TSPEAR: variants seen among roughly 807,000 people sequenced by gnomAD.
TSPEAR encodes the protein thrombospondin type laminin G domain and EAR repeats.
In TSPEAR, 69 loss-of-function variants were observed where a neutral mutation model predicts 71.6. That is an observed-to-expected ratio of 0.96 (90% CI 0.79 to 1.18). TSPEAR has a LOEUF of 1.18. TSPEAR is among the 50% of genes most tolerant of loss of function. The probability of loss-of-function intolerance (pLI) is 0.00; values close to 1 mark genes in which losing one functional copy is unlikely to be tolerated. For synonymous variants in TSPEAR, 402 were observed against 387.2 expected (o/e 1.04, Z -0.45); for missense variants, 971 against 894.9 (o/e 1.09, Z -1.09).
At chr21:44,667,207 G>A (rs1985831605) in intron 1 of TSPEAR, among the ~76,000 whole-genome samples, 1 of 152,140 alleles carries the variant, frequency 6.6e-6, no homozygotes, top group African/African-American at 2.4e-5. Context: ...ACTTTTGTGA[G>A]ATTCCAAAAA....
At chr21:44,554,043 T>C (rs587673687) in intron 2 of TSPEAR, among the ~76,000 whole-genome samples, 37 of 152,300 alleles carry the variant, frequency 2.4e-4, no homozygotes, top group Middle Eastern at 6.8e-3. Flanking sequence ...ATATGACAAA[T>C]GGCAAAGTGA....
intron 1 of TSPEAR, among the ~76,000 whole-genome samples, chr21:44,706,151 CCCA>C (rs1987902630): frequency 6.6e-6 from 1 of 152,328 alleles, no homozygotes; most frequent in African/African-American, 2.4e-5. Context: ...CTTCCCAGTG[CCCA>C]CCAACCGGCG....
chr21:44,630,383 A>C (rs1983186029), intron 1 of TSPEAR, among the ~76,000 whole-genome samples: 1 of 152,198 alleles, frequency 6.6e-6, no homozygotes, highest in Non-Finnish European at 1.5e-5. Context: ...TGAACCAGTC[A>C]CTGCCACCTG....
At chr21:44,671,329 C>T (rs1374943555) in intron 1 of TSPEAR, among the ~76,000 whole-genome samples, 21 of 152,266 alleles carry the variant, frequency 1.4e-4, no homozygotes, top group Admixed American at 1.3e-3. Context: ...AAGGACCCAT[C>T]CATGCATCCA....
intron 1 of TSPEAR, among the ~76,000 whole-genome samples, chr21:44,582,703 A>T (rs781941355): frequency 1.5e-4 from 23 of 152,280 alleles, no homozygotes; most frequent in Non-Finnish European, 3.1e-4. Context: ...CCCTGCGCTC[A>T]GTGGAGACGT....
chr21:44,622,712 T>C (rs587735994), intron 1 of TSPEAR, among the ~76,000 whole-genome samples: 10 of 152,390 alleles, frequency 6.6e-5, no homozygotes, highest in African/African-American at 1.9e-4. Context: ...AGGTTCACTA[T>C]AACCCGGTAT....
chr21:44,607,229 G>A (rs797042016), intron 1 of TSPEAR, among the ~76,000 whole-genome samples: 2 of 151,998 alleles, frequency 1.3e-5, no homozygotes, highest in East Asian at 1.9e-4. Context: ...ACAGGTGCGC[G>A]CCACTACACC....
At chr21:44,513,727 G>A (rs1183380794) in intron 9 of TSPEAR, among the ~76,000 whole-genome samples, 1 of 152,170 alleles carries the variant, frequency 6.6e-6, no homozygotes, top group Non-Finnish European at 1.5e-5. Context: ...GGCTTTGATA[G>A]GGCAAAGAAA....
intron 10 of TSPEAR, among the ~76,000 whole-genome samples, chr21:44,507,745 T>C (rs112994106): frequency 0.038 from 5,740 of 152,332 alleles, 346 homozygotes; most frequent in African/African-American, 0.13. Context: ...TTATTCTAAA[T>C]GTTGTTCTAA....
intron 2 of TSPEAR, chr21:44,558,324 C>T (rs782345193): frequency 1.5e-5 from 24 of 1,613,886 alleles, no homozygotes; most frequent in East Asian, 6.7e-5. Flanking sequence ...AGAGGAAGCC[C>T]CAGAGCAGAC....
chr21:44,620,927 T>C (rs144175600), intron 1 of TSPEAR, among the ~76,000 whole-genome samples: 165 of 152,378 alleles, frequency 1.1e-3, no homozygotes, highest in African/African-American at 3.8e-3. Flanking sequence ...AATTGGTTGT[T>C]TGAAAGTGTG....
At chr21:44,553,198 G>A (rs1257049524) in intron 2 of TSPEAR, among the ~76,000 whole-genome samples, 5 of 152,226 alleles carry the variant, frequency 3.3e-5, no homozygotes, top group Non-Finnish European at 5.9e-5. Context: ...TCTTGTCGAA[G>A]TTACTATGGA....
At chr21:44,685,341 T>C (rs568219247) in intron 1 of TSPEAR, among the ~76,000 whole-genome samples, 45 of 152,040 alleles carry the variant, frequency 3.0e-4, no homozygotes, top group African/African-American at 1.1e-3. Flanking sequence ...AGCTGGAGTG[T>C]GAGGAGGAGC....
At chr21:44,697,127 C>T (rs1555950637) in intron 1 of TSPEAR, 2 of 1,576,326 alleles carry the variant, frequency 1.3e-6, no homozygotes, top group African/African-American at 1.3e-5. Context: ...CTCCCTCCTT[C>T]CCATCCAGCA....
chr21:44,672,885 A>AT (rs1986129898), intron 1 of TSPEAR, among the ~76,000 whole-genome samples: 1 of 152,174 alleles, frequency 6.6e-6, no homozygotes. Flanking sequence ...CATGTAGGAC[A>AT]TTCCAGCTTC....
At chr21:44,518,619 T>C (rs587769254) in intron 9 of TSPEAR, 4 of 469,588 alleles carry the variant, frequency 8.5e-6, no homozygotes, top group South Asian at 6.2e-5. Flanking sequence ...GTGGTGCCTT[T>C]CCATCCAGGG....
chr21:44,708,300 C>G (rs140073345), intron 1 of TSPEAR, among the ~76,000 whole-genome samples: 9 of 152,226 alleles, frequency 5.9e-5, no homozygotes, highest in Non-Finnish European at 1.3e-4. Flanking sequence ...GCAGGACACT[C>G]TAAGGGCTTT....
Position 44,558,016 on chromosome 21 carries a change from C to G in TSPEAR, c.303+9769G>C, listed in dbSNP as rs782114840. 3 of 1,577,172 alleles carry G rather than the reference C, an allele frequency of 1.9e-6. No individual in the cohort carries two copies. The African/African-American group carries it at 4.0e-5, about 21-fold the overall frequency. On this transcript the variant is annotated intron_variant, in intron 2 of 11. Transcript: ENST00000323084. ...AGGATTTTCGGAAGTCAGAGATGGC[C>G]CTGGAACAACTCTGGAGAAACGGGA... is the stretch of plus-strand genomic sequence containing the variant.
chr21:44,580,267 A>G (rs1424266038), intron 1 of TSPEAR: 1 of 1,613,436 alleles, frequency 6.2e-7, no homozygotes, highest in African/African-American at 1.3e-5. Flanking sequence ...AGGAATCCTT[A>G]GAGCAGGTGG....
Sources: allele counts gnomAD v4.1 joint callset (sites outside exome capture counted in the v4.1 genomes callset), GRCh38; gene constraint gnomAD v4.1.1; transcripts MANE v1.5; gene names NCBI Gene and HGNC (gene_info 2026-07-23, HGNC 2026-07-21).